Variants in NAALADL2 observed in about 807,000 individuals in gnomAD.
NAALADL2 encodes inactive N-acetylated-alpha-linked acidic dipeptidase-like protein 2.
A neutral mutation model predicts 87.2 loss-of-function variants in NAALADL2; 76 were observed. The ratio of observed to expected loss-of-function variants is 0.87; its 90% confidence interval spans 0.72 to 1.05. The LOEUF is 1.05. Among genes scored for constraint, NAALADL2 ranks in the 50% least tolerant of loss-of-function variants. The pLI is 0.00. For missense variants in NAALADL2, 1,089 were observed against 945.8 expected, an observed-to-expected ratio of 1.15 and a Z score of -1.99; for synonymous variants, 354 against 331.0, an observed-to-expected ratio of 1.07 and a Z score of -0.75.
At chr3:175,220,431 T>A (rs955706451) in intron 2 of NAALADL2, among the ~76,000 whole-genome samples, 3 of 151,960 alleles carry the variant, frequency 2.0e-5, no homozygotes, top group Non-Finnish European at 2.9e-5. Flanking sequence ...GACAGTTTTT[T>A]AACTTAGATT....
intron 1 of NAALADL2, among the ~76,000 whole-genome samples, chr3:174,929,859 C>A (rs1736616145): frequency 6.6e-6 from 1 of 152,128 alleles, no homozygotes; most frequent in Admixed American, 6.6e-5. Flanking sequence ...GATTTCTTAG[C>A]CTTTCCTGTA....
At chr3:174,500,154 C>T (rs565817036) in intron 1 of NAALADL2, among the ~76,000 whole-genome samples, 3 of 151,970 alleles carry the variant, frequency 2.0e-5, no homozygotes, top group Admixed American at 6.5e-5. Flanking sequence ...TCAAATTTAT[C>T]GTTAAATATT....
intron 1 of NAALADL2, among the ~76,000 whole-genome samples, chr3:174,537,840 G>A (rs558446827): frequency 6.6e-6 from 1 of 152,256 alleles, no homozygotes; most frequent in East Asian, 1.9e-4. Context: ...AAGTCAGGCT[G>A]GTGATATTCT....
At chr3:174,916,350 T>C (rs6445186) in intron 1 of NAALADL2, among the ~76,000 whole-genome samples, 56,510 of 151,854 alleles carry the variant, frequency 0.37, 11,359 homozygotes, top group African/African-American at 0.53. Context: ...TTCAGTCCAG[T>C]AATCTCACTC....
intron 1 of NAALADL2, among the ~76,000 whole-genome samples, chr3:174,515,124 C>A (rs949806481): frequency 6.6e-6 from 1 of 151,994 alleles, no homozygotes; most frequent in Non-Finnish European, 1.5e-5. Flanking sequence ...GGAGCAAGTT[C>A]TAAAGGAGAG....
intron 2 of NAALADL2, among the ~76,000 whole-genome samples, chr3:175,154,696 T>C (rs71312312): frequency 6.6e-6 from 1 of 152,174 alleles, no homozygotes; most frequent in Non-Finnish European, 1.5e-5. Context: ...CTTGTCATCG[T>C]GTTTGCTATA....
intron 2 of NAALADL2, among the ~76,000 whole-genome samples, chr3:175,162,179 T>C (rs1733325994): frequency 6.6e-6 from 1 of 152,154 alleles, no homozygotes; most frequent in South Asian, 2.1e-4. Context: ...AATTTCTCCT[T>C]CTCTCTCTTT....
intron 11 of NAALADL2, among the ~76,000 whole-genome samples, chr3:175,654,545 C>A (rs1464739250): frequency 6.6e-6 from 1 of 152,118 alleles, no homozygotes; most frequent in Non-Finnish European, 1.5e-5. Context: ...TATAGGTATG[C>A]CTTTCTTGTA....
At chr3:174,698,117 T>C (rs912728949) in intron 2 of NAALADL2, among the ~76,000 whole-genome samples, 16 of 152,012 alleles carry the variant, frequency 1.1e-4, no homozygotes, top group African/African-American at 3.9e-4. Flanking sequence ...TACCAATAAA[T>C]ATAAAACCGA....
intron 3 of NAALADL2, among the ~76,000 whole-genome samples, chr3:174,799,746 G>C (rs981057209): frequency 6.6e-6 from 1 of 152,160 alleles, no homozygotes; most frequent in East Asian, 1.9e-4. Flanking sequence ...AGTTTGGAGG[G>C]CTGAGAAGAA....
At chr3:174,996,062 T>A (rs888072012) in intron 1 of NAALADL2, among the ~76,000 whole-genome samples, 1 of 152,216 alleles carries the variant, frequency 6.6e-6, no homozygotes, top group Non-Finnish European at 1.5e-5. Context: ...TAAGGTCTAC[T>A]GAATTTTAAG....
chr3:175,716,799 C>T (rs1051062313), intron 11 of NAALADL2, among the ~76,000 whole-genome samples: 6 of 152,134 alleles, frequency 3.9e-5, no homozygotes, highest in African/African-American at 1.4e-4. Context: ...GTCATCCTGG[C>T]TGTATATAAA....
intron 2 of NAALADL2, among the ~76,000 whole-genome samples, chr3:175,189,040 G>T (rs940129277): frequency 2.0e-5 from 3 of 152,150 alleles, no homozygotes; most frequent in Non-Finnish European, 4.4e-5. Flanking sequence ...GTTGGTGATA[G>T]TTATCCACCC....
chr3:174,761,589 A>G (rs1044746358), intron 3 of NAALADL2, among the ~76,000 whole-genome samples: 7 of 152,170 alleles, frequency 4.6e-5, no homozygotes, highest in Non-Finnish European at 7.3e-5. Context: ...GGTTGGCACA[A>G]AAGTTTTTGC....
intron 10 of NAALADL2, among the ~76,000 whole-genome samples, chr3:175,601,188 C>G (rs1722934331): frequency 2.0e-5 from 3 of 152,132 alleles, no homozygotes; most frequent in Admixed American, 2.0e-4. Context: ...CTTTGAAGCA[C>G]ATTTTAATAT....
chr3:174,926,880 T>G lies in NAALADL2; in HGVS notation c.43+67430T>G, dbSNP rs146160222. On this transcript the variant is annotated intron_variant, in intron 1 of 13. Transcript: ENST00000454872. ...ATATGAACCTTAAATGTAAATGGGCTAAATGCTGCAATTAAAAGACACAGA... is the reference window on the plus strand; with the variant it reads ...ATATGAACCTTAAATGTAAATGGGCGAAATGCTGCAATTAAAAGACACAGA... Among the ~76,000 whole-genome samples the G allele has an allele frequency of 4.0e-3, 613 of 152,232 alleles. 2 individuals carry two copies. Among genetic ancestry groups the G allele is most frequent in the African/African-American group, 0.014 (565 of 41,524 alleles).
chr3:175,498,175 T>C (rs1370848183), intron 9 of NAALADL2, among the ~76,000 whole-genome samples: 2 of 151,866 alleles, frequency 1.3e-5, no homozygotes, highest in East Asian at 3.9e-4. Flanking sequence ...TAAAAACGAA[T>C]GAAAGAATGC....
At chr3:174,831,859 T>G (rs1427372016) in intron 3 of NAALADL2, among the ~76,000 whole-genome samples, 8 of 151,052 alleles carry the variant, frequency 5.3e-5, no homozygotes, top group Admixed American at 1.3e-4. Context: ...GTCGAGGAAT[T>G]TATCCATTTC....
intron 2 of NAALADL2, among the ~76,000 whole-genome samples, chr3:174,710,756 C>G (rs1382621148): frequency 6.6e-6 from 1 of 152,116 alleles, no homozygotes; most frequent in Non-Finnish European, 1.5e-5. Flanking sequence ...TTCCTACAAC[C>G]ACAAGGAGCT....
Sources: gnomAD v4.1 joint callset for allele counts (sites outside exome capture counted in the v4.1 genomes callset) on GRCh38, gnomAD v4.1.1 for gene constraint, MANE v1.5 for transcripts, NCBI Gene and HGNC (gene_info 2026-07-23, HGNC 2026-07-21) for gene names.